The following GATM variants were observed in gnomAD, a reference collection of about 807,000 sequenced individuals.
The protein encoded by GATM is glycine amidinotransferase, mitochondrial.
In GATM, 23 loss-of-function variants were observed where a neutral mutation model predicts 54.2. That is an observed-to-expected ratio of 0.42 (90% CI 0.31 to 0.60). The LOEUF is 0.60. Ranked by LOEUF, GATM falls within the 20% of genes least tolerant of loss-of-function variation. The pLI, the probability that GATM is intolerant of heterozygous loss-of-function variation, is 0.14. For missense variants in GATM, 401 were observed against 544.9 expected (o/e 0.74, Z 2.63); for synonymous variants, 168 against 183.1 (o/e 0.92, Z 0.67).
intron 3 of GATM, among the ~76,000 whole-genome samples, chr15:45,390,338 G>T (rs1207201449): frequency 6.6e-6 from 1 of 152,216 alleles, no homozygotes; most frequent in East Asian, 1.9e-4. Flanking sequence ...GACATGGATT[G>T]TTTTTTAAGT....
Position 45,401,717 on chromosome 15 carries a change from G to A in GATM, c.-530+222C>T, listed in dbSNP as rs114239619. ...ACTTGTTGCCAAAGAATATTCAAAAGAATATCAGAAATCAGAACAAATGTA... is the reference window on the plus strand; with the variant it reads ...ACTTGTTGCCAAAGAATATTCAAAAAAATATCAGAAATCAGAACAAATGTA... On this transcript the variant is annotated intron_variant, in intron 1 of 4. Coordinates refer to the GATM transcript ENST00000561148. Among the ~76,000 whole-genome samples the A allele has an allele frequency of 3.4e-3, 515 of 152,314 alleles. 2 individuals are homozygous for A. Among genetic ancestry groups the A allele is most frequent in the African/African-American group, 0.012 (500 of 41,576 alleles).
At chr15:45,390,748 T>C (rs1277088114) in intron 3 of GATM, among the ~76,000 whole-genome samples, 1 of 152,166 alleles carries the variant, frequency 6.6e-6, no homozygotes, top group Non-Finnish European at 1.5e-5. Flanking sequence ...AATCTACTTA[T>C]TTAAATATAA....
At position 45,368,075 on chromosome 15, in the gene GATM, T is replaced by G; in HGVS notation, c.670A>C (p.Asn224His). The G allele has an allele frequency of 6.2e-7, 1 of 1,614,008 alleles. No homozygotes were observed. The highest frequency in any genetic ancestry group is 1.7e-4 in the Middle Eastern group (1 of 6,042). ...PKPTMADELY[N>H]QDYPIHSVED... ...GCCTATAATTAGGGACTCACCTGGT[T>G]ATAAAGCTCATCAGCCATTGTGGGC... The change falls in exon 4 of 9, where the codon AAC becomes CAC. Residue 224 changes from asparagine (N) to histidine (H), a missense_variant. Asn to His is a moderately conservative substitution (Grantham distance 68). Around this residue, in one of 3 missense-constraint regions of GATM, gnomAD observed 321 missense variants for 457.5 expected, o/e 0.70. Coordinates refer to ENST00000396659, the MANE Select transcript of GATM (RefSeq NM_001482.3). The surrounding 1 kb of genome is among the most constrained non-coding windows in gnomAD (Gnocchi z 5.1).
chr15:45,401,427 G>C (rs544552221), intron 1 of GATM, among the ~76,000 whole-genome samples: 1 of 152,336 alleles, frequency 6.6e-6, no homozygotes, highest in Non-Finnish European at 1.5e-5. Context: ...GTAGGAAGAT[G>C]TAAGTCAAAT....
intron 3 of GATM, among the ~76,000 whole-genome samples, chr15:45,387,726 C>T (rs1426773957): frequency 6.6e-6 from 1 of 152,118 alleles, no homozygotes; most frequent in African/African-American, 2.4e-5. Context: ...CACTTTAAAA[C>T]AATATTTACA....
At chr15:45,371,844 C>A (rs1469486302) in intron 2 of GATM, among the ~76,000 whole-genome samples, 1 of 152,212 alleles carries the variant, frequency 6.6e-6, no homozygotes, top group Non-Finnish European at 1.5e-5. Flanking sequence ...CAAGACTGAT[C>A]AAATGTCTAG....
In GATM at chr15:45,388,320, T is replaced by C. The variant is rs537135661; in HGVS notation, c.-319+8602A>G. Among the ~76,000 whole-genome samples, 6 of 152,348 alleles carry C rather than the reference T, an allele frequency of 3.9e-5. No homozygotes were observed. In the East Asian group the frequency reaches 5.8e-4, roughly 15 times the overall value. On this transcript the variant is annotated intron_variant, in intron 3 of 4. Coordinates refer to the GATM transcript ENST00000561148. ...AAAAGTTACAAAGATAGTACAGAGT[T>C]CCTGTACACCCATCGCCCTGTTTTG...
intron 2 of GATM, among the ~76,000 whole-genome samples, chr15:45,371,032 C>A (rs1005906848): frequency 6.6e-6 from 1 of 152,202 alleles, no homozygotes; most frequent in Non-Finnish European, 1.5e-5. Context: ...GTCGGCCCCC[C>A]AAAGGGCTGG....
chr15:45,380,245 T>TG (rs1335509215), upstream of GATM: 63 of 115,150 alleles, frequency 5.5e-4, no homozygotes, highest in African/African-American at 2.5e-3. Flanking sequence ...AGACTCCATC[T>TG]GGGGAAAAAA....
At chr15:45,397,030 A>G (rs1309462016) in exon 3 of GATM, 1 of 151,130 alleles carries the variant, frequency 6.6e-6, no homozygotes, top group African/African-American at 2.4e-5. Flanking sequence ...GTTTCTACTT[A>G]TCCTTCACGT....
chr15:45,378,424 C>G lies in GATM; in HGVS notation c.30G>C (p.Gly10=). MLRVRCLRG[G]SRGAEAVHYI... ...AGTGCACCGCCTCGGCGCCGCGGCT[C>G]CCGCCGCGCAGACACCGCACCCGCA... Residue 10 remains glycine, a synonymous_variant, in exon 1 of 9, where the codon GGG becomes GGC. Transcript: ENST00000396659. 3 of 1,504,064 alleles carry G rather than the reference C, an allele frequency of 2.0e-6. No homozygotes were observed. Among genetic ancestry groups the G allele is most frequent in the Non-Finnish European group, 2.6e-6 (3 of 1,133,532 alleles). 93.2% of individuals were successfully genotyped at this position (1,504,064 alleles called of 1,614,324 possible).
rs1367178640 is a variant in GATM, at chr15:45,376,701, T to C, written c.188A>G (p.Asp63Gly). Reference protein sequence around the residue: ...DDKATEPLPKDCPVSSYNEWD... With the variant: ...DDKATEPLPKGCPVSSYNEWD... ...TTCGTTGTAAGAAGAGACAGGGCAG[T>C]CCTTGGGCAGAGGCTCAGTGGCTTT... Residue 63 changes from aspartate to glycine, a missense_variant, in exon 2 of 9, where the codon GAC (aspartate) becomes GGC (glycine). Asp to Gly is a moderately conservative substitution (Grantham distance 94, BLOSUM62 -1). This residue lies in a region of GATM where 70 missense variants were observed against 61.5 expected (regional missense o/e 1.14). Coordinates refer to ENST00000396659, the MANE Select transcript of GATM (RefSeq NM_001482.3). 6.2e-7 allele frequency: 1 copy of C among 1,614,170 alleles called. No individual in the cohort carries two copies. The highest frequency in any genetic ancestry group is 8.5e-7 in the Non-Finnish European group (1 of 1,180,030).
At chr15:45,376,090 G>C (rs1292606190) in intron 2 of GATM, among the ~76,000 whole-genome samples, 1 of 152,190 alleles carries the variant, frequency 6.6e-6, no homozygotes, top group Non-Finnish European at 1.5e-5. Context: ...AAATAGGAAT[G>C]CCAATAATTA....
intron 1 of GATM, among the ~76,000 whole-genome samples, chr15:45,400,684 T>C (rs950098432): frequency 1.3e-5 from 2 of 152,260 alleles, no homozygotes; most frequent in Non-Finnish European, 2.9e-5. Flanking sequence ...CGATTTAACT[T>C]TATTGGCTCC....
Position 45,376,707 on chromosome 15 carries a change from G to A in GATM, c.182C>T (p.Pro61Leu). ...AADDKATEPL[P>L]KDCPVSSYNE... ...GTAAGAAGAGACAGGGCAGTCCTTG[G>A]GCAGAGGCTCAGTGGCTTTGTCGTC... The change falls in exon 2 of 9, where the codon CCC (proline) becomes CTC (leucine). Residue 61 changes from proline (P) to leucine (L), a missense_variant. Physicochemically the swap from Pro to Leu is moderately conservative, Grantham distance 98 (BLOSUM62 -3). Coordinates refer to ENST00000396659, the MANE Select transcript of GATM (RefSeq NM_001482.3). 6.2e-7 allele frequency: 1 copy of A among 1,614,202 alleles called. No individual in the cohort carries two copies.
intron 4 of GATM, among the ~76,000 whole-genome samples, chr15:45,366,998 G>A (rs547717535): frequency 1.3e-5 from 2 of 152,258 alleles, no homozygotes; most frequent in African/African-American, 2.4e-5. Context: ...CATCCACTGA[G>A]AGTCTGGAAC....
At chr15:45,375,784 G>A (rs561941923) in intron 2 of GATM, among the ~76,000 whole-genome samples, 3 of 151,928 alleles carry the variant, frequency 2.0e-5, no homozygotes, top group South Asian at 2.1e-4. Context: ...GGGTGGTGGG[G>A]TAGTGGGGGT....
chr15:45,386,026 G>A (rs772633956), intron 3 of GATM, among the ~76,000 whole-genome samples: 1 of 152,164 alleles, frequency 6.6e-6, no homozygotes, highest in Non-Finnish European at 1.5e-5. Context: ...TTATGTACAT[G>A]TAAAAGTAAT....
At chr15:45,401,482 T>C (rs529972186) in intron 1 of GATM, among the ~76,000 whole-genome samples, 11 of 152,320 alleles carry the variant, frequency 7.2e-5, no homozygotes, top group African/African-American at 2.6e-4. Flanking sequence ...TGTAGTTCTT[T>C]TTTAACGGCA....
Sources: gnomAD v4.1 joint callset for allele counts (sites outside exome capture counted in the v4.1 genomes callset) on GRCh38, gnomAD v4.1.1 for gene constraint, gnomAD v4.1.1 regional missense constraint, Gnocchi (gnomAD v3.1) non-coding constraint, MANE v1.5 for transcripts, NCBI Gene and HGNC (gene_info 2026-07-23, HGNC 2026-07-21) for gene names.